Variants in ZNF529 observed in about 807,000 individuals in gnomAD.
ZNF529 encodes zinc finger protein 529.
ZNF529 carries 11 observed loss-of-function variants against 10.1 expected under a neutral mutation model. That is an observed-to-expected ratio of 1.09 (90% CI 0.69 to 1.81). ZNF529 has a LOEUF of 1.81. ZNF529 is among the 40% of genes most tolerant of loss of function. The pLI, the probability that ZNF529 is intolerant of heterozygous loss-of-function variation, is 0.00. For missense variants in ZNF529, 624 were observed against 666.8 expected (o/e 0.94, Z 0.71); for synonymous variants, 204 against 215.7 (o/e 0.95, Z 0.47).
chr19:36,549,707 G>A (rs527841162), intron 4 of ZNF529, among the ~76,000 whole-genome samples: 9 of 152,190 alleles, frequency 5.9e-5, no homozygotes, highest in South Asian at 2.1e-4. Flanking sequence ...AAATACAATC[G>A]GGATGTGTTA....
At chr19:36,556,252 G>T in intron 2 of ZNF529, 55 bp from the exon 3 acceptor site, 1 of 742,358 alleles carries the variant, frequency 1.3e-6, no homozygotes, top group Non-Finnish European at 2.4e-6. Flanking sequence ...TGGAAATGGT[G>T]CTAGGAATGT....
chr19:36,552,872 G>A (rs1180786798), intron 4 of ZNF529, among the ~76,000 whole-genome samples: 1 of 152,152 alleles, frequency 6.6e-6, no homozygotes, highest in Non-Finnish European at 1.5e-5. Flanking sequence ...GAATTATCAA[G>A]TATAAAGAGA....
At chr19:36,573,454 T>C (rs1211216135), upstream of ZNF529, 2 of 470,966 alleles carry the variant, frequency 4.2e-6, no homozygotes, top group Non-Finnish European at 8.8e-6. Context: ...CGCAGACCCT[T>C]GCCATCAGCA....
At position 36,561,775 on chromosome 19, in the gene ZNF529, C is replaced by T. The variant is rs530147080; in HGVS notation, c.15-5578G>A. On this transcript the variant is annotated intron_variant, in intron 2 of 4. Coordinates refer to ENST00000591340, the MANE Select transcript of ZNF529 (RefSeq NM_020951.5). ...CAAAGCCATGGTGGCAGGGACCCTT[C>T]GGGCCTTTGGGGTCCAACCCCCATC... Among the ~76,000 whole-genome samples the T allele has an allele frequency of 1.1e-4, 16 of 152,342 alleles. No individual in the cohort carries two copies. In the South Asian group the frequency reaches 3.1e-3, roughly 30 times the overall value.
At chr19:36,551,617 C>T (rs2035261769) in intron 4 of ZNF529, among the ~76,000 whole-genome samples, 1 of 152,114 alleles carries the variant, frequency 6.6e-6, no homozygotes, top group Admixed American at 6.5e-5. Flanking sequence ...ACTAGAATTA[C>T]AAAAGTTTAC....
At chr19:36,564,337 T>C (rs2035818246) in intron 2 of ZNF529, among the ~76,000 whole-genome samples, 1 of 152,128 alleles carries the variant, frequency 6.6e-6, no homozygotes, top group African/African-American at 2.4e-5. Flanking sequence ...GGAGAAAATA[T>C]TCACAAACTA....
At chr19:36,574,082 T>C (rs1163145145), upstream of ZNF529, among the ~76,000 whole-genome samples, 2 of 152,212 alleles carry the variant, frequency 1.3e-5, no homozygotes, top group African/African-American at 2.4e-5. Context: ...CTGAGCTAAA[T>C]ATGAGTGACC....
chr19:36,587,548 C>G (rs1004635535), intron 2 of ZNF529: 2 of 152,136 alleles, frequency 1.3e-5, no homozygotes, highest in African/African-American at 4.8e-5. Flanking sequence ...CACACTAAAA[C>G]AGGCACATAA....
At chr19:36,575,808 A>G (rs1313453316), upstream of ZNF529, among the ~76,000 whole-genome samples, 1 of 151,958 alleles carries the variant, frequency 6.6e-6, no homozygotes, top group East Asian at 1.9e-4. Flanking sequence ...ACGTTATTAT[A>G]GAAACTCTAA....
chr19:36,552,548 G>A (rs2145798235), intron 4 of ZNF529, among the ~76,000 whole-genome samples: 1 of 152,278 alleles, frequency 6.6e-6, no homozygotes, highest in African/African-American at 2.4e-5. Flanking sequence ...GGACCAGATA[G>A]GCTTTGTGCT....
intron 1 of ZNF529, among the ~76,000 whole-genome samples, chr19:36,600,377 T>C (rs1290268777): frequency 6.6e-6 from 1 of 152,232 alleles, no homozygotes; most frequent in Non-Finnish European, 1.5e-5. Context: ...GAAAAGCTGC[T>C]AATAAACGCC....
intron 2 of ZNF529, among the ~76,000 whole-genome samples, chr19:36,568,172 T>TA (rs1218348312): frequency 1.3e-5 from 2 of 152,144 alleles, no homozygotes; most frequent in Non-Finnish European, 2.9e-5. Context: ...TTGAAACACT[T>TA]AAAAAACAAC....
At chr19:36,566,023 C>T (rs1031136335) in intron 2 of ZNF529, among the ~76,000 whole-genome samples, 7 of 152,114 alleles carry the variant, frequency 4.6e-5, no homozygotes, top group African/African-American at 1.2e-4. Context: ...TCTTTTGCCC[C>T]GGCTGGAGTG....
At chr19:36,575,586 A>G, upstream of ZNF529, among the ~76,000 whole-genome samples, 1 of 152,122 alleles carries the variant, frequency 6.6e-6, no homozygotes, top group Non-Finnish European at 1.5e-5. Flanking sequence ...CTTTGTAGTA[A>G]TTAAAATAGT....
At chr19:36,586,281 G>A (rs1346637626) in intron 2 of ZNF529, among the ~76,000 whole-genome samples, 2 of 152,112 alleles carry the variant, frequency 1.3e-5, no homozygotes, top group South Asian at 2.1e-4. Flanking sequence ...TGGAGCTACA[G>A]GGGAAAAGAC....
In ZNF529 at chr19:36,547,388, A is replaced by C. The variant is rs1380556460; in HGVS notation, c.1170T>G (p.Gly390=). 1.2e-6 allele frequency: 2 copies of C among 1,613,584 alleles called. No homozygotes were observed. Among genetic ancestry groups the C allele is most frequent in the Admixed American group, 3.3e-5 (2 of 59,980 alleles). The part of the protein sequence containing the change: ...ELARHQRIHT[G]KKPYECKACG... ...ATGCTTTGCATTCATAGGGTTTCTT[A>C]CCAGTATGAATTCTCTGATGACGAG... The change falls in exon 5 of 5, where the codon GGT becomes GGG. Residue 390 remains glycine, a synonymous_variant. Transcript: ENST00000591340.
At chr19:36,559,978 GC>G (rs1420707109) in intron 2 of ZNF529, among the ~76,000 whole-genome samples, 2 of 152,128 alleles carry the variant, frequency 1.3e-5, no homozygotes, top group Non-Finnish European at 2.9e-5. Flanking sequence ...AAGAGAAGTG[GC>G]CTGGTGCGTT....
rs1287986287 is a variant in ZNF529 at position 36,558,267 on chromosome 19, A to G, written c.15-2070T>C. Among the ~76,000 whole-genome samples the G allele has an allele frequency of 3.9e-5, 6 of 152,138 alleles. No homozygotes were observed. In the East Asian group the frequency reaches 1.2e-3, roughly 29 times the overall value. On this transcript the variant is annotated intron_variant, in intron 2 of 4. Transcript: ENST00000591340. ...AAGGATTTAAAATTTACAAAGAAAT[A>G]ATGGATTTGAAATTCCCAAATTTAT...
intron 2 of ZNF529, among the ~76,000 whole-genome samples, chr19:36,570,044 C>T (rs1411860738): frequency 1.3e-5 from 2 of 151,990 alleles, no homozygotes; most frequent in Non-Finnish European, 2.9e-5. Flanking sequence ...ACCTTCATGC[C>T]CACATGACTG....
Sources: gnomAD v4.1 joint callset for allele counts (sites outside exome capture counted in the v4.1 genomes callset) on GRCh38, gnomAD v4.1.1 for gene constraint, MANE v1.5 for transcripts, NCBI Gene and HGNC (gene_info 2026-07-23, HGNC 2026-07-21) for gene names.